The following CELSR2 variants were observed in gnomAD, a reference collection of about 807,000 sequenced individuals.
CELSR2 encodes EGF-like protein 2.
CELSR2 carries 81 observed loss-of-function variants against 251.6 expected under a neutral mutation model. The observed-to-expected ratio is 0.32, with a 90% CI of 0.27 to 0.39. CELSR2 has a LOEUF of 0.39. Among genes scored for constraint, CELSR2 ranks in the 10% least tolerant of loss-of-function variants. The pLI is 1.00. For synonymous variants in CELSR2, 1,721 were observed against 1,670.5 expected (o/e 1.03, Z -0.74); for missense variants, 3,365 against 3,947.7 (o/e 0.85, Z 3.96).
rs115045280 is a variant in CELSR2 at position 109,262,506 on chromosome 1, G to T, written c.4544+62G>T. ...AGGGCAGGGCCAGGCAGGGAGGGAA[G>T]GTGGAGAGGGTGGGCTTTTGGGGTC... On this transcript the variant is annotated intron_variant, in intron 6 of 33. Coordinates refer to ENST00000271332, the MANE Select transcript of CELSR2 (RefSeq NM_001408.3). The T allele has an allele frequency of 1.0e-3, 1,618 of 1,580,996 alleles. 13 individuals are homozygous for T. The African/African-American group carries it at 0.019, about 19-fold the overall frequency.
At position 109,275,111 on chromosome 1, in the gene CELSR2, C is replaced by T. The variant is rs567438109; in HGVS notation, c.*1062C>T. On this transcript the variant is annotated 3_prime_UTR_variant, in exon 34 of 34. Transcript: ENST00000271332. ...ATTTTTAACCCCTTCTTGGAATTGG[C>T]TCTCTTCTTCAAAGGACCAGGTCCT... 3 of 152,654 alleles carry T rather than the reference C, an allele frequency of 2.0e-5. No individual in the cohort carries two copies. The highest frequency in any genetic ancestry group is 7.2e-5 in the African/African-American group (3 of 41,570). 9.5% of individuals were successfully genotyped at this position (152,654 alleles called of 1,614,324 possible). A position where few individuals can be genotyped will look rare whatever the true frequency, so the allele number is the denominator to read the frequency against.
rs1656362685 is a variant in CELSR2, at chr1:109,271,220, A to G, written c.7600A>G (p.Ser2534Gly). The change falls in exon 26 of 34, where the codon AGT (serine) becomes GGT (glycine). Residue 2534 changes from serine (S) to glycine (G), a missense_variant. Around this residue, in one of 5 missense-constraint regions of CELSR2, gnomAD observed 2,093 missense variants for 2,382.8 expected, o/e 0.88. Coordinates refer to ENST00000271332, the MANE Select transcript of CELSR2 (RefSeq NM_001408.3). ...CATGCCCTCTGCCCCTGCCTAGATG[A>G]GTGTCTTCCTGTACATCCTGGCGGC... ...AGPVAFAVSM[S>G]VFLYILAARA... is the part of the protein sequence containing the mutation. 1 of 1,613,380 alleles carries G rather than the reference A, an allele frequency of 6.2e-7. No individual in the cohort carries two copies. Among genetic ancestry groups the G allele is most frequent in the African/African-American group, 1.3e-5 (1 of 74,746 alleles).
chr1:109,261,637 A>C lies in CELSR2; in HGVS notation c.4297+9A>C. 1 of 1,608,308 alleles carries C rather than the reference A, an allele frequency of 6.2e-7. No individual in the cohort carries two copies. The highest frequency in any genetic ancestry group is 2.2e-5 in the East Asian group (1 of 44,832). ...GCTCACCTTCTCTGCAGGTGATCAC[A>C]GTTGCCCCCCATCCTTGCCCATCTT... On this transcript the variant is annotated intron_variant, in intron 4 of 33. Coordinates refer to ENST00000271332, the MANE Select transcript of CELSR2 (RefSeq NM_001408.3). This position sits in a 1 kb window ranked among gnomAD's most constrained non-coding sequence, Gnocchi z 4.8.
At position 109,274,059 on chromosome 1, in the gene CELSR2, G is replaced by A. The variant is rs200647348; in HGVS notation, c.*10G>A. 43 of 1,613,660 alleles carry A rather than the reference G, an allele frequency of 2.7e-5. No homozygotes were observed. Among genetic ancestry groups the A allele is most frequent in the Admixed American group, 1.2e-4 (7 of 60,016 alleles). On this transcript the variant is annotated 3_prime_UTR_variant, in exon 34 of 34. Coordinates refer to ENST00000271332, the MANE Select transcript of CELSR2 (RefSeq NM_001408.3). The stretch of plus-strand genomic sequence containing the variant: ...TAACTTCCTGCATTAACCCTGGGCC[G>A]TGGTTCCTACGCCCGAGGCTCCCTT...
Position 109,274,427 on chromosome 1 carries a change from TC to T in CELSR2, c.*381del, listed in dbSNP as rs1465923827. On this transcript the variant is annotated 3_prime_UTR_variant, in exon 34 of 34. Transcript: ENST00000271332. ...TTCCCTTCCCAAAGAGGATAGGACC[TC>T]CCAGGATGCTTCCCAGCCTCTCCTC... is the stretch of plus-strand genomic sequence containing the variant. 9 of 276,238 alleles carry T rather than the reference TC, an allele frequency of 3.3e-5. No homozygotes were observed. Among genetic ancestry groups the T allele is most frequent in the Admixed American group, 4.8e-5 (1 of 20,772 alleles). 17.1% of individuals were successfully genotyped at this position (276,238 alleles called of 1,614,324 possible).
chr1:109,273,984 T>C, intron 33 of CELSR2, 38 bp from the exon 34 acceptor site: 1 of 1,612,398 alleles, frequency 6.2e-7, no homozygotes, highest in Non-Finnish European at 8.5e-7. Context: ...TAACCCTCTG[T>C]CTGCCTTTTC....
intron 2 of CELSR2, 52 bp downstream of exon 2, chr1:109,259,131 G>A: frequency 1.4e-6 from 2 of 1,438,294 alleles, no homozygotes; most frequent in Non-Finnish European, 9.3e-7. Context: ...TGACTGTGTG[G>A]TGCAGGCACA....
chr1:109,272,039 C>T (rs1292201189), intron 28 of CELSR2, among the ~76,000 whole-genome samples: 2 of 152,200 alleles, frequency 1.3e-5, no homozygotes, highest in Non-Finnish European at 2.9e-5. Context: ...TCATCTTTTA[C>T]AGAGCCATTA....
rs1237381111 is a variant in CELSR2 at position 109,262,984 on chromosome 1, G to T, written c.4708+15G>T. On this transcript the variant is annotated intron_variant, in intron 7 of 33. Coordinates refer to ENST00000271332, the MANE Select transcript of CELSR2 (RefSeq NM_001408.3). Reference sequence around the variant, plus strand: ...CACCGTGCCTGGTATGGGGGCCCGGGGTGGAGCCAGGCTGGGATCCCAGTG... The same window carrying T: ...CACCGTGCCTGGTATGGGGGCCCGGTGTGGAGCCAGGCTGGGATCCCAGTG... 2 of 1,608,128 alleles carry T rather than the reference G, an allele frequency of 1.2e-6. No individual in the cohort carries two copies. Among genetic ancestry groups the T allele is most frequent in the Non-Finnish European group, 1.7e-6 (2 of 1,175,506 alleles).
chr1:109,252,644 A>G lies in CELSR2; in HGVS notation c.2565A>G (p.Gln855=), dbSNP rs773358358. ...GLNGRVFYTF[Q]GGDDGDGDFI... is the part of the protein sequence containing the mutation. ...ATGGCAGGGTCTTCTACACCTTCCA[A>G]GGAGGCGACGATGGAGACGGTGACT... Residue 855 remains glutamine, a synonymous_variant, in exon 1 of 34, where the codon CAA becomes CAG. Transcript: ENST00000271332. This position sits in a 1 kb window ranked among gnomAD's most constrained non-coding sequence, Gnocchi z 4.8. 2 of 1,613,730 alleles carry G rather than the reference A, an allele frequency of 1.2e-6. No homozygotes were observed. The highest frequency in any genetic ancestry group is 3.3e-5 in the Admixed American group (2 of 60,008).
At chr1:109,264,018 A>G in intron 9 of CELSR2, 60 bp from the exon 10 acceptor site, 1 of 1,515,224 alleles carries the variant, frequency 6.6e-7, no homozygotes, top group African/African-American at 1.4e-5. Flanking sequence ...GGGAACTGTG[A>G]GCTGGAGAAC....
rs1261579259 is a variant in CELSR2, at chr1:109,269,194, A to T, written c.6716A>T (p.Glu2239Val). The change falls in exon 20 of 34, where the codon GAG (glutamate) becomes GTG (valine). Residue 2239 changes from glutamate to valine, a missense_variant. Glu to Val is a moderately radical substitution (Grantham distance 121, BLOSUM62 -2). Transcript: ENST00000271332. This position sits in a 1 kb window ranked among gnomAD's most constrained non-coding sequence, Gnocchi z 6.4. Reference protein sequence around the residue: ...ELARRQRRHPELSQGEAVASV... With the variant: ...ELARRQRRHPVLSQGEAVASV... ...GCACGGCGACAGCGACGGCACCCGG[A>T]GCTGAGCCAGGGTGAGGCTGTGGCC... 7.4e-6 allele frequency: 12 copies of T among 1,612,478 alleles called. No homozygotes were observed. Among genetic ancestry groups the T allele is most frequent in the African/African-American group, 2.7e-5 (2 of 74,916 alleles).
At position 109,266,185 on chromosome 1, in the gene CELSR2, C is replaced by G; in HGVS notation, c.5992C>G (p.Pro1998Ala). Reference sequence around the variant, plus strand: ...CCGCTTCGGGCTGCCTGCTGCTGCTCCCTGTCCCAAAGGCTCCTTTGGTAG... The same window carrying G: ...CCGCTTCGGGCTGCCTGCTGCTGCTGCCTGTCCCAAAGGCTCCTTTGGTAG... Reference protein sequence around the residue: ...RTRFGLPAAAPCPKGSFGTAV... With the variant: ...RTRFGLPAAAACPKGSFGTAV... The change falls in exon 15 of 34, where the codon CCC becomes GCC. Residue 1998 changes from proline (P) to alanine (A), a missense_variant. Pro to Ala is a conservative substitution (Grantham distance 27). This residue lies in a region of CELSR2 where 2,093 missense variants were observed against 2,382.8 expected (regional missense o/e 0.88). Coordinates refer to ENST00000271332, the MANE Select transcript of CELSR2 (RefSeq NM_001408.3). The G allele has an allele frequency of 2.5e-6, 4 of 1,614,128 alleles. No homozygotes were observed. The highest frequency in any genetic ancestry group is 3.4e-6 in the Non-Finnish European group (4 of 1,180,016).
chr1:109,258,399 C>G (rs1655920658), intron 1 of CELSR2, 33 bp from the exon 2 acceptor site: 2 of 1,496,640 alleles, frequency 1.3e-6, no homozygotes, highest in Non-Finnish European at 1.8e-6. Context: ...ATTGCAGCCC[C>G]AGGCTGGGTC....
At chr1:109,256,103 A>C (rs1655835396) in intron 1 of CELSR2, among the ~76,000 whole-genome samples, 1 of 152,228 alleles carries the variant, frequency 6.6e-6, no homozygotes, top group Non-Finnish European at 1.5e-5. Flanking sequence ...TATCCCGTCA[A>C]GGAATCATTA....
Position 109,265,907 on chromosome 1 carries a change from A to G in CELSR2, c.5900A>G (p.Asn1967Ser), listed in dbSNP as rs372827419. ...AACCCTTTTGCTGAGGTCACCACCA[A>G]TGGCTGTGAAGGTGGGGCTCCTGGG... ...CDNPFAEVTT[N>S]GCEVNYDSCP... Residue 1967 changes from asparagine (N) to serine (S), a missense_variant, in exon 14 of 34, where the codon AAT becomes AGT. Physicochemically the swap from Asn to Ser is conservative, Grantham distance 46 (BLOSUM62 1). This residue lies in a region of CELSR2 where 2,093 missense variants were observed against 2,382.8 expected (regional missense o/e 0.88). Coordinates refer to ENST00000271332, the MANE Select transcript of CELSR2 (RefSeq NM_001408.3). 18 of 1,611,892 alleles carry G rather than the reference A, an allele frequency of 1.1e-5. No individual in the cohort carries two copies. The highest frequency in any genetic ancestry group is 1.4e-5 in the Non-Finnish European group (17 of 1,178,480).
intron 13 of CELSR2, 67 bp downstream of exon 13, chr1:109,265,378 A>G (rs1256804999): frequency 9.3e-6 from 14 of 1,505,784 alleles, no homozygotes; most frequent in Non-Finnish European, 1.3e-5. Context: ...TGGGCCCTAG[A>G]GGGCAGGCTG....
At position 109,262,745 on chromosome 1, in the gene CELSR2, C is replaced by T. The variant is rs574024122; in HGVS notation, c.4545-61C>T. 1.8e-5 allele frequency: 28 copies of T among 1,582,366 alleles called. No homozygotes were observed. In the East Asian group the frequency reaches 3.1e-4, roughly 18 times the overall value. ...TCGTGTCTCTGGCCTGGCGGCAGAG[C>T]GAGCGGAGGACCAGAAGCTCCCAGC... On this transcript the variant is annotated intron_variant, in intron 6 of 33. Transcript: ENST00000271332.
chr1:109,265,862 G>T lies in CELSR2; in HGVS notation c.5855G>T (p.Arg1952Leu), dbSNP rs371790513. The stretch of plus-strand genomic sequence containing the variant: ...CCATGCAAGCCAGGTGTCATCGGGC[G>T]TCAGTGTGACCGCTGTGACAACCCT... ...QCPCKPGVIG[R>L]QCDRCDNPFA... is the part of the protein sequence containing the mutation. The change falls in exon 14 of 34, where the codon CGT (arginine) becomes CTT (leucine). Residue 1952 changes from arginine (R) to leucine (L), a missense_variant. Transcript: ENST00000271332. 6.2e-7 allele frequency: 1 copy of T among 1,613,984 alleles called. No homozygotes were observed. Among genetic ancestry groups the T allele is most frequent in the African/African-American group, 1.3e-5 (1 of 74,928 alleles).
Sources: gnomAD v4.1 joint callset for allele counts (sites outside exome capture counted in the v4.1 genomes callset) on GRCh38, gnomAD v4.1.1 for gene constraint, gnomAD v4.1.1 regional missense constraint, Gnocchi (gnomAD v3.1) non-coding constraint, MANE v1.5 for transcripts, NCBI Gene and HGNC (gene_info 2026-07-23, HGNC 2026-07-21) for gene names.